Variants in PDGFC observed in about 807,000 individuals in gnomAD.
The protein encoded by PDGFC is platelet derived growth factor C, also known as platelet-derived growth factor C.
PDGFC carries 12 observed loss-of-function variants against 35.5 expected under a neutral mutation model. That is an observed-to-expected ratio of 0.34 (90% CI 0.22 to 0.55). The LOEUF (loss-of-function observed/expected upper bound fraction) is 0.55. PDGFC is among the 20% of genes least tolerant of loss of function. PDGFC has a pLI of 0.91. For synonymous variants in PDGFC, 159 were observed against 148.8 expected (o/e 1.07, Z -0.50); for missense variants, 322 against 412.4 (o/e 0.78, Z 1.90).
chr4:156,908,114 C>A (rs963905162), intron 1 of PDGFC, among the ~76,000 whole-genome samples: 3 of 151,952 alleles, frequency 2.0e-5, no homozygotes, highest in African/African-American at 4.8e-5. Context: ...TGCAGTGAGC[C>A]GAGATCGTGC....
chr4:156,839,829 G>A (rs1331374152), intron 2 of PDGFC, among the ~76,000 whole-genome samples: 1 of 152,190 alleles, frequency 6.6e-6, no homozygotes, highest in Admixed American at 6.5e-5. Context: ...GGTGGTCTCA[G>A]ATGGAGATAA....
At chr4:156,856,315 T>C (rs1420435219) in intron 1 of PDGFC, among the ~76,000 whole-genome samples, 1 of 152,212 alleles carries the variant, frequency 6.6e-6, no homozygotes, top group Non-Finnish European at 1.5e-5. Context: ...AATCACTTTA[T>C]TCCTGAAGTT....
chr4:156,930,578 T>C (rs1341508443), intron 1 of PDGFC, among the ~76,000 whole-genome samples: 1 of 152,152 alleles, frequency 6.6e-6, no homozygotes, highest in Non-Finnish European at 1.5e-5. Context: ...ATTAAGAATC[T>C]AGGTTTAGGC....
intron 1 of PDGFC, among the ~76,000 whole-genome samples, chr4:156,912,447 G>A (rs1188594325): frequency 1.3e-5 from 2 of 152,126 alleles, no homozygotes; most frequent in Non-Finnish European, 1.5e-5. Context: ...CGAGGCACAT[G>A]TCCTTAGAAA....
At chr4:156,782,410 A>G (rs1038106011) in intron 3 of PDGFC, among the ~76,000 whole-genome samples, 1 of 152,198 alleles carries the variant, frequency 6.6e-6, no homozygotes, top group Non-Finnish European at 1.5e-5. Flanking sequence ...GTACGGTGTT[A>G]CATTAAAAGA....
At chr4:156,804,595 A>G (rs1439560255) in intron 3 of PDGFC, among the ~76,000 whole-genome samples, 1 of 151,910 alleles carries the variant, frequency 6.6e-6, no homozygotes, top group African/African-American at 2.4e-5. Flanking sequence ...GCATTTTTAT[A>G]GGTATTTTTT....
chr4:156,923,782 C>T (rs1393031510), intron 1 of PDGFC, among the ~76,000 whole-genome samples: 1 of 151,784 alleles, frequency 6.6e-6, no homozygotes. Context: ...TCATCATTTA[C>T]TAATACATGT....
chr4:156,925,166 C>T (rs1017130450), intron 1 of PDGFC, among the ~76,000 whole-genome samples: 1 of 152,108 alleles, frequency 6.6e-6, no homozygotes, highest in Non-Finnish European at 1.5e-5. Context: ...GTCAGTTGGC[C>T]AAAACTGTAT....
At chr4:156,830,439 C>T (rs755683552) in intron 2 of PDGFC, among the ~76,000 whole-genome samples, 9 of 152,110 alleles carry the variant, frequency 5.9e-5, no homozygotes, top group Non-Finnish European at 1.2e-4. Context: ...TCTGATGAAA[C>T]ACAACTTTCC....
intron 1 of PDGFC, among the ~76,000 whole-genome samples, chr4:156,872,763 C>T (rs943496576): frequency 6.6e-6 from 1 of 152,184 alleles, no homozygotes; most frequent in East Asian, 1.9e-4. Flanking sequence ...CATTTAAGTA[C>T]ACAACTGTTC....
intron 3 of PDGFC, among the ~76,000 whole-genome samples, chr4:156,779,487 A>C (rs1204776310): frequency 2.6e-5 from 4 of 152,188 alleles, no homozygotes; most frequent in Non-Finnish European, 4.4e-5. Context: ...CATCACAGCA[A>C]CAGTCCAGTA....
chr4:156,951,389 G>A (rs187434552), intron 1 of PDGFC, among the ~76,000 whole-genome samples: 27 of 151,798 alleles, frequency 1.8e-4, no homozygotes, highest in African/African-American at 5.8e-4. Context: ...AATATGCCAG[G>A]ATCAATTTTT....
intron 1 of PDGFC, among the ~76,000 whole-genome samples, chr4:156,862,039 G>GCCTAAATCTGAAA (rs575169122): frequency 2.1e-3 from 327 of 152,200 alleles, no homozygotes; most frequent in African/African-American, 7.6e-3. Flanking sequence ...GGCAGAATAA[G>GCCTAAATCTGAAA]TTTCTTCTTG....
chr4:156,848,588 T>G (rs1420703888), intron 2 of PDGFC, among the ~76,000 whole-genome samples: 1 of 151,988 alleles, frequency 6.6e-6, no homozygotes, highest in Admixed American at 6.6e-5. Context: ...AAAGCATAAT[T>G]TTTTTAGTTT....
At chr4:156,817,737 G>T (rs750637157) in intron 2 of PDGFC, among the ~76,000 whole-genome samples, 1 of 152,064 alleles carries the variant, frequency 6.6e-6, no homozygotes, top group South Asian at 2.1e-4. Flanking sequence ...TTTGACCAGC[G>T]CAGCTATCCT....
chr4:156,945,344 T>C (rs1326457697), intron 1 of PDGFC, among the ~76,000 whole-genome samples: 1 of 2,904 alleles, frequency 3.4e-4, no homozygotes, highest in Non-Finnish European at 5.0e-4. Flanking sequence ...TATACATACA[T>C]ATATATATAT....
At position 156,813,360 on chromosome 4, in the gene PDGFC, C is replaced by CT. The variant is rs548133714; in HGVS notation, c.315-2344dup. Among the ~76,000 whole-genome samples, 59 of 152,078 alleles carry CT rather than the reference C, an allele frequency of 3.9e-4. No homozygotes were observed. The South Asian group carries it at 4.6e-3, about 12-fold the overall frequency. On this transcript the variant is annotated intron_variant, in intron 2 of 5. Transcript: ENST00000502773. ...TCAGGATACAAACACATAACTAAAG[C>CT]TTTTTTTGGGTTCTGGGTCCATAAA...
At chr4:156,902,377 C>A (rs1429872775) in intron 1 of PDGFC, among the ~76,000 whole-genome samples, 1 of 152,088 alleles carries the variant, frequency 6.6e-6, no homozygotes, top group African/African-American at 2.4e-5. Flanking sequence ...CAGTTGAAGA[C>A]CCTGTTTCCT....
At chr4:156,927,453 T>C (rs1560876938) in intron 1 of PDGFC, among the ~76,000 whole-genome samples, 1 of 152,310 alleles carries the variant, frequency 6.6e-6, no homozygotes, top group Admixed American at 6.5e-5. Context: ...TAAAATTGAA[T>C]GCTTTTAACA....
Sources: gnomAD v4.1 joint callset for allele counts (sites outside exome capture counted in the v4.1 genomes callset) on GRCh38, gnomAD v4.1.1 for gene constraint, MANE v1.5 for transcripts, NCBI Gene and HGNC (gene_info 2026-07-23, HGNC 2026-07-21) for gene names.